The following FGF13 variants were observed in gnomAD, a reference collection of about 807,000 sequenced individuals.
FGF13 encodes the protein fibroblast growth factor 13, also known as fibroblast growth factor homologous factor 2.
FGF13 carries 2 observed loss-of-function variants against 19.5 expected under a neutral mutation model. The observed-to-expected ratio is 0.10, with a 90% CI of 0.04 to 0.32. FGF13 has a LOEUF of 0.32. Ranked by LOEUF, FGF13 falls within the 10% of genes least tolerant of loss-of-function variation. FGF13 has a pLI of 1.00. For missense variants in FGF13, 113 were observed against 192.7 expected (o/e 0.59, Z 2.45); for synonymous variants, 72 against 76.9 (o/e 0.94, Z 0.33).
chrX:138,751,374 T>C (rs1319164056), intron 3 of FGF13, among the ~76,000 whole-genome samples: 10 of 111,045 alleles, frequency 9.0e-5, no homozygotes, highest in African/African-American at 3.3e-4. Context: ...TTCAAAGTGA[T>C]CCATGCTCAG....
At chrX:138,847,446 A>G (rs954594706) in intron 3 of FGF13, among the ~76,000 whole-genome samples, 3 of 111,679 alleles carry the variant, frequency 2.7e-5, no homozygotes, top group African/African-American at 9.8e-5. Context: ...GCTTCTGAGA[A>G]TATATATCTT....
At chrX:139,043,190 C>T (rs1450017783) in intron 1 of FGF13, among the ~76,000 whole-genome samples, 1 of 110,910 alleles carries the variant, frequency 9.0e-6, no homozygotes, top group Non-Finnish European at 1.9e-5. Flanking sequence ...CTGGGCTACA[C>T]TTTTCAATTA....
chrX:139,203,089 C>T, intron 1 of FGF13, among the ~76,000 whole-genome samples: 1 of 112,337 alleles, frequency 8.9e-6, no homozygotes, highest in African/African-American at 3.2e-5. Context: ...AGAAAGGCAA[C>T]GGCTAGAACC....
chrX:139,137,078 A>T (rs1339458836), intron 1 of FGF13, among the ~76,000 whole-genome samples: 1 of 111,984 alleles, frequency 8.9e-6, no homozygotes, highest in Non-Finnish European at 1.9e-5. Context: ...ATGTTATCCC[A>T]TGACTTTTCA....
intron 3 of FGF13, among the ~76,000 whole-genome samples, chrX:138,680,876 T>C (rs1459307870): frequency 8.1e-5 from 9 of 110,885 alleles, no homozygotes; most frequent in Admixed American, 4.8e-4. Flanking sequence ...TTCATCTACA[T>C]TGAAAATCTG....
chrX:139,203,247 G>A (rs1030756904), intron 1 of FGF13, among the ~76,000 whole-genome samples: 2 of 111,301 alleles, frequency 1.8e-5, no homozygotes, highest in African/African-American at 6.6e-5. Context: ...CCCCGGGCGC[G>A]GTGGCTGAAC....
At chrX:138,830,238 G>C (rs780742021) in intron 3 of FGF13, among the ~76,000 whole-genome samples, 12 of 111,882 alleles carry the variant, frequency 1.1e-4, no homozygotes, top group Admixed American at 2.8e-4. Flanking sequence ...AATGTTAAGG[G>C]GGATTCTGGT....
At chrX:138,778,696 C>T (rs1042598322) in intron 3 of FGF13, among the ~76,000 whole-genome samples, 2 of 112,031 alleles carry the variant, frequency 1.8e-5, no homozygotes, top group Non-Finnish European at 3.8e-5. Flanking sequence ...ATTGCTAGCA[C>T]AACACTCTGA....
In FGF13 at chrX:138,705,616, C is replaced by T. The variant is rs149353860; in HGVS notation, c.299-2529G>A. Among the ~76,000 whole-genome samples, 928 of 112,075 alleles carry T rather than the reference C, an allele frequency of 8.3e-3. 13 individuals are homozygous for T. Among genetic ancestry groups the T allele is most frequent in the African/African-American group, 0.028 (870 of 30,891 alleles). On this transcript the variant is annotated intron_variant, in intron 2 of 4. Coordinates refer to ENST00000315930, the MANE Select transcript of FGF13 (RefSeq NM_004114.5). Reference sequence around the variant, plus strand: ...TAGGGATTGACTGATCATACTACTACGATCTTTTCATTTCTTTAAACATTC... The same window carrying T: ...TAGGGATTGACTGATCATACTACTATGATCTTTTCATTTCTTTAAACATTC...
chrX:138,950,068 C>G (rs1339927936), intron 1 of FGF13, among the ~76,000 whole-genome samples: 1 of 111,919 alleles, frequency 8.9e-6, no homozygotes, highest in Non-Finnish European at 1.9e-5. Context: ...GGAGCAAGTT[C>G]CACATTCTTC....
chrX:138,906,583 G>A (rs962776840), intron 1 of FGF13, among the ~76,000 whole-genome samples: 1 of 111,792 alleles, frequency 8.9e-6, no homozygotes, highest in African/African-American at 3.3e-5. Flanking sequence ...GTACAGGAAA[G>A]AACAATAATG....
chrX:139,125,479 T>A (rs1044165247), intron 1 of FGF13, among the ~76,000 whole-genome samples: 4 of 112,311 alleles, frequency 3.6e-5, no homozygotes, highest in Non-Finnish European at 7.5e-5. Context: ...AGAGTTCCCA[T>A]TGTTGTGATG....
At chrX:139,099,377 C>CAAAAA (rs59882808) in intron 1 of FGF13, among the ~76,000 whole-genome samples, 2 of 32,884 alleles carry the variant, frequency 6.1e-5, no homozygotes, top group African/African-American at 1.1e-4. Flanking sequence ...GTTTCTATCT[C>CAAAAA]AAAAAAAAAA....
At chrX:138,641,007 C>T (rs2089245584) in intron 3 of FGF13, among the ~76,000 whole-genome samples, 1 of 111,657 alleles carries the variant, frequency 9.0e-6, no homozygotes, top group Non-Finnish European at 1.9e-5. Flanking sequence ...GAGAGAACAA[C>T]AGAGGGTACT....
chrX:138,710,678 C>T, intron 1 of FGF13, 139 bp downstream of exon 1: 1 of 1,044,235 alleles, frequency 9.6e-7, no homozygotes, highest in Non-Finnish European at 1.3e-6. Flanking sequence ...AGCGCCTTCC[C>T]ACGCACGCAC....
At chrX:138,702,195 A>AATT (rs1569368446) in intron 3 of FGF13, among the ~76,000 whole-genome samples, 13 of 105,209 alleles carry the variant, frequency 1.2e-4, no homozygotes, top group African/African-American at 3.8e-4. Flanking sequence ...ATAAATAAAT[A>AATT]AATTAATTAA....
chrX:139,059,030 A>G (rs1603168409), intron 1 of FGF13, among the ~76,000 whole-genome samples: 2 of 111,717 alleles, frequency 1.8e-5, no homozygotes, highest in Admixed American at 9.5e-5. Flanking sequence ...CTGAGATTGA[A>G]AGAAAAGGGG....
At chrX:138,879,669 C>A (rs28809622) in intron 1 of FGF13, among the ~76,000 whole-genome samples, 3,895 of 109,040 alleles carry the variant, frequency 0.036, 183 homozygotes, top group African/African-American at 0.12. Flanking sequence ...GCCCCCCACC[C>A]CCTGACAGTC....
At chrX:139,026,537 A>G (rs1406381380) in intron 1 of FGF13, among the ~76,000 whole-genome samples, 1 of 111,777 alleles carries the variant, frequency 8.9e-6, no homozygotes, top group African/African-American at 3.3e-5. Flanking sequence ...AGTTCAACCA[A>G]TTGTCTGGTG....
Sources: gnomAD v4.1 joint callset for allele counts (sites outside exome capture counted in the v4.1 genomes callset) on GRCh38, gnomAD v4.1.1 for gene constraint, MANE v1.5 for transcripts, NCBI Gene and HGNC (gene_info 2026-07-23, HGNC 2026-07-21) for gene names.